MFAP3: variants seen among roughly 807,000 people sequenced by gnomAD.
The protein encoded by MFAP3 is microfibril associated protein 3, also known as microfibril-associated glycoprotein 3.
In MFAP3, 8 loss-of-function variants were observed where a neutral mutation model predicts 20.5. The observed-to-expected ratio is 0.39, with a 90% CI of 0.23 to 0.70. The LOEUF (loss-of-function observed/expected upper bound fraction) is 0.70. Ranked by LOEUF, MFAP3 falls within the 30% of genes least tolerant of loss-of-function variation. The pLI is 0.44. For missense variants in MFAP3, 398 were observed against 444.6 expected (o/e 0.90, Z 0.94); for synonymous variants, 140 against 154.0 (o/e 0.91, Z 0.67).
At position 154,053,987 on chromosome 5, in the gene MFAP3, C is replaced by A; in HGVS notation, c.*274C>A. 1 of 364,368 alleles carries A rather than the reference C, an allele frequency of 2.7e-6. No homozygotes were observed. Among genetic ancestry groups the A allele is most frequent in the Non-Finnish European group, 5.2e-6 (1 of 191,600 alleles). The allele number at this position is 364,368 out of a possible 1,614,324, so 22.6% of individuals were successfully genotyped here. ...AAACATGATGGGGAAAAGCACTGAA[C>A]TAAGAGTCCCATGGTTTCTCTTCTG... On this transcript the variant is annotated 3_prime_UTR_variant, in exon 3 of 3. Transcript: ENST00000522782.
At chr5:154,041,335 T>C (rs1264055051) in intron 1 of MFAP3, among the ~76,000 whole-genome samples, 3 of 152,212 alleles carry the variant, frequency 2.0e-5, no homozygotes, top group Non-Finnish European at 2.9e-5. Context: ...ACAAGCGTAG[T>C]TTAGGCTTTC....
At position 154,049,891 on chromosome 5, in the gene MFAP3, G is replaced by A. The variant is rs925185142; in HGVS notation, c.169G>A (p.Asp57Asn). Reference sequence around the variant, plus strand: ...TGAACTCTCAGCAAGTTCCCACTCGGATGATGATGTCATCATAGCCAAAGA... The same window carrying A: ...TGAACTCTCAGCAAGTTCCCACTCGAATGATGATGTCATCATAGCCAAAGA... The part of the protein sequence containing the change: ...SFELSASSHS[D>N]DDVIIAKEGT... Residue 57 changes from aspartate (D) to asparagine (N), a missense_variant, in exon 2 of 3, where the codon GAT becomes AAT. Coordinates refer to ENST00000522782, the MANE Select transcript of MFAP3 (RefSeq NM_005927.5). 6 of 1,613,670 alleles carry A rather than the reference G, an allele frequency of 3.7e-6. No homozygotes were observed. The highest frequency in any genetic ancestry group is 1.1e-5 in the South Asian group (1 of 91,074).
chr5:154,050,183 A>G (rs990708124), intron 2 of MFAP3, among the ~76,000 whole-genome samples, 166 bp downstream of exon 2: 1 of 152,214 alleles, frequency 6.6e-6, no homozygotes, highest in African/African-American at 2.4e-5. Context: ...CAAAGTAATT[A>G]TAATTGTTTA....
intron 1 of MFAP3, among the ~76,000 whole-genome samples, chr5:154,041,234 C>G (rs1019252474): frequency 6.6e-6 from 1 of 151,848 alleles, no homozygotes; most frequent in African/African-American, 2.4e-5. Flanking sequence ...CAGTTTCCCC[C>G]AGAAAGATAT....
At position 154,049,851 on chromosome 5, in the gene MFAP3, C is replaced by G; in HGVS notation, c.129C>G (p.Ser43=). 1 of 1,613,678 alleles carries G rather than the reference C, an allele frequency of 6.2e-7. No individual in the cohort carries two copies. The highest frequency in any genetic ancestry group is 8.5e-7 in the Non-Finnish European group (1 of 1,179,722). Residue 43 remains serine, a synonymous_variant, in exon 2 of 3, where the codon TCC becomes TCG. Transcript: ENST00000522782. ...LEANRSSYNA[S]FPSSFELSAS... ...CAAATCGTAGTTCTTACAATGCATC[C>G]TTTCCCTCAAGCTTTGAACTCTCAG...
At chr5:154,046,716 G>A (rs1233876787) in intron 1 of MFAP3, among the ~76,000 whole-genome samples, 2 of 152,134 alleles carry the variant, frequency 1.3e-5, no homozygotes, top group Non-Finnish European at 2.9e-5. Flanking sequence ...TGCAGCCCTC[G>A]CCTGTGACAG....
At position 154,055,855 on chromosome 5, in the gene MFAP3, T is replaced by C. The variant is rs951961069; in HGVS notation, c.*2142T>C. 2.0e-5 allele frequency among the ~76,000 whole-genome samples: 3 copies of C among 152,146 alleles called. No homozygotes were observed. The highest frequency in any genetic ancestry group is 1.3e-4 in the Admixed American group (2 of 15,268). On this transcript the variant is annotated 3_prime_UTR_variant, in exon 3 of 3. Transcript: ENST00000522782. ...TACTTGTGGCTTCAAATGATCCTCC[T>C]GCCTTACCTCCCAAAGTGTTGAGAT...
At chr5:154,045,755 G>A (rs1474138172) in intron 1 of MFAP3, among the ~76,000 whole-genome samples, 2 of 152,180 alleles carry the variant, frequency 1.3e-5, no homozygotes, top group Non-Finnish European at 2.9e-5. Context: ...GCTGGTTAGA[G>A]TCACAGATCG....
chr5:154,051,188 G>A (rs1773184070), intron 2 of MFAP3, among the ~76,000 whole-genome samples: 1 of 152,030 alleles, frequency 6.6e-6, no homozygotes, highest in Admixed American at 6.6e-5. Context: ...ACATGATTTG[G>A]GGTTCCATAT....
At chr5:154,050,543 A>G (rs1773163802) in intron 2 of MFAP3, among the ~76,000 whole-genome samples, 1 of 151,828 alleles carries the variant, frequency 6.6e-6, no homozygotes, top group South Asian at 2.1e-4. Flanking sequence ...CAATCTGTGC[A>G]TAAAACTTTG....
chr5:154,046,965 CAGTT>C (rs1244017798), intron 1 of MFAP3, among the ~76,000 whole-genome samples: 2 of 152,264 alleles, frequency 1.3e-5, no homozygotes, highest in South Asian at 2.1e-4. Flanking sequence ...ACCATTGGCC[CAGTT>C]AGTTCTCCTC....
At chr5:154,048,115 TGTC>T (rs1773106580) in intron 1 of MFAP3, among the ~76,000 whole-genome samples, 1 of 152,198 alleles carries the variant, frequency 6.6e-6, no homozygotes. Flanking sequence ...ACTTGTAGCA[TGTC>T]GTAAGAAGCA....
rs1773334571 is a variant in MFAP3, at chr5:154,056,401, G to T, written c.*2688G>T. 6.6e-6 allele frequency among the ~76,000 whole-genome samples: 1 copy of T among 152,130 alleles called. No individual in the cohort carries two copies. Among genetic ancestry groups the T allele is most frequent in the Admixed American group, 6.5e-5 (1 of 15,270 alleles). On this transcript the variant is annotated 3_prime_UTR_variant, in exon 3 of 3. Coordinates refer to ENST00000522782, the MANE Select transcript of MFAP3 (RefSeq NM_005927.5). ...AAAACCACACTTACTAATGTTTTCT[G>T]TATCTAATCAAATACTCTTCATATA...
At chr5:154,048,589 A>G (rs1257788930) in intron 1 of MFAP3, among the ~76,000 whole-genome samples, 1 of 152,150 alleles carries the variant, frequency 6.6e-6, no homozygotes, top group Non-Finnish European at 1.5e-5. Context: ...ATAAAAGTTG[A>G]ATTTTTTCTT....
At chr5:154,039,768 A>G (rs185612645) in intron 1 of MFAP3, among the ~76,000 whole-genome samples, 1 of 152,226 alleles carries the variant, frequency 6.6e-6, no homozygotes, top group Non-Finnish European at 1.5e-5. Flanking sequence ...ATCTTATTGT[A>G]CAGATAAGAA....
At chr5:154,048,447 A>G (rs1021469918) in intron 1 of MFAP3, among the ~76,000 whole-genome samples, 2 of 152,186 alleles carry the variant, frequency 1.3e-5, no homozygotes, top group Non-Finnish European at 2.9e-5. Context: ...ACAGTGATTC[A>G]TTGTTTTTTA....
rs1016047561 is a variant in MFAP3, at chr5:154,055,945, T to C, written c.*2232T>C. 6.6e-6 allele frequency among the ~76,000 whole-genome samples: 1 copy of C among 152,158 alleles called. No individual in the cohort carries two copies. Among genetic ancestry groups the C allele is most frequent in the Admixed American group, 6.5e-5 (1 of 15,274 alleles). ...AAATCCCTTGTCTGGGGGTCAGTCC[T>C]CTAAACATCCCTCAGATTTCAGATA... On this transcript the variant is annotated 3_prime_UTR_variant, in exon 3 of 3. Coordinates refer to ENST00000522782, the MANE Select transcript of MFAP3 (RefSeq NM_005927.5).
In MFAP3 at chr5:154,054,073, A is replaced by G. The variant is rs2113569784; in HGVS notation, c.*360A>G. ...TCTTGGGACTTCAGTTTTTCCGTCA[A>G]TAAGATGAGGGATTAGGTGAGATCT... On this transcript the variant is annotated 3_prime_UTR_variant, in exon 3 of 3. Coordinates refer to ENST00000522782, the MANE Select transcript of MFAP3 (RefSeq NM_005927.5). 1 of 205,794 alleles carries G rather than the reference A, an allele frequency of 4.9e-6. No homozygotes were observed. The highest frequency in any genetic ancestry group is 5.3e-5 in the Admixed American group (1 of 18,796). 12.7% of individuals were successfully genotyped at this position (205,794 alleles called of 1,614,324 possible). A position where few individuals can be genotyped will look rare whatever the true frequency, so the allele number is the denominator to read the frequency against.
Position 154,054,019 on chromosome 5 carries a change from G to T in MFAP3, c.*306G>T, listed in dbSNP as rs1211317732. 7.2e-6 allele frequency: 2 copies of T among 279,372 alleles called. No homozygotes were observed. Among genetic ancestry groups the T allele is most frequent in the Non-Finnish European group, 1.4e-5 (2 of 138,734 alleles). 17.3% of individuals were successfully genotyped at this position (279,372 alleles called of 1,614,324 possible). On this transcript the variant is annotated 3_prime_UTR_variant, in exon 3 of 3. Coordinates refer to ENST00000522782, the MANE Select transcript of MFAP3 (RefSeq NM_005927.5). ...TCCCATGGTTTCTCTTCTGGTCACA[G>T]TTCTTCCATTGGTTGGATCTGATAC...
Sources: allele counts gnomAD v4.1 joint callset (sites outside exome capture counted in the v4.1 genomes callset), GRCh38; gene constraint gnomAD v4.1.1; transcripts MANE v1.5; gene names NCBI Gene and HGNC (gene_info 2026-07-23, HGNC 2026-07-21).